The following TLK1 variants were observed in gnomAD, a reference collection of about 807,000 sequenced individuals.
TLK1 encodes the protein serine/threonine-protein kinase tousled-like 1.
Under a neutral mutation model 105.3 loss-of-function variants are expected in TLK1, and 24 were observed. The observed-to-expected ratio is 0.23, with a 90% CI of 0.17 to 0.32. The LOEUF is 0.32. TLK1 is among the 10% of genes least tolerant of loss of function. The pLI is 1.00. For missense variants in TLK1, 558 were observed against 910.5 expected, an observed-to-expected ratio of 0.61 and a Z score of 4.98; for synonymous variants, 321 against 310.4, an observed-to-expected ratio of 1.03 and a Z score of -0.36.
intron 18 of TLK1, among the ~76,000 whole-genome samples, chr2:170,998,245 T>C (rs1684178467): frequency 6.6e-6 from 1 of 152,190 alleles, no homozygotes. Context: ...CTCCCTAAAA[T>C]ATACACCTGA....
At chr2:171,068,098 G>A (rs1558921682) in intron 3 of TLK1, among the ~76,000 whole-genome samples, 1 of 152,046 alleles carries the variant, frequency 6.6e-6, no homozygotes, top group Admixed American at 6.6e-5. Context: ...AGGCCAAGGT[G>A]GGTGGATCAC....
At chr2:171,067,053 C>T in intron 3 of TLK1, 1 of 1,368,082 alleles carries the variant, frequency 7.3e-7, no homozygotes, top group Non-Finnish European at 9.7e-7. Flanking sequence ...CTGTATCATA[C>T]CCCTACAAAC....
At chr2:171,014,385 A>C (rs1182555460) in intron 13 of TLK1, among the ~76,000 whole-genome samples, 2 of 151,912 alleles carry the variant, frequency 1.3e-5, no homozygotes, top group Non-Finnish European at 2.9e-5. Context: ...TTTTTTAAAG[A>C]AATGGGGGTC....
chr2:171,019,754 T>C (rs1685396623), intron 12 of TLK1, among the ~76,000 whole-genome samples: 1 of 152,108 alleles, frequency 6.6e-6, no homozygotes, highest in Admixed American at 6.5e-5. Context: ...AGAAAACCGG[T>C]TCAGAATGAG....
rs190445342 is a variant in TLK1 at position 171,014,553 on chromosome 2, T to C, written c.1334+298A>G. Among the ~76,000 whole-genome samples the C allele has an allele frequency of 2.7e-4, 41 of 152,084 alleles. No individual in the cohort carries two copies. The East Asian group carries it at 6.4e-3, about 24-fold the overall frequency. ...TAAGAATGGCCTTTCTAAAGAACATTTGGAGTGAGATAAGTAATTAAGCCA... is the reference window on the plus strand; with the variant it reads ...TAAGAATGGCCTTTCTAAAGAACATCTGGAGTGAGATAAGTAATTAAGCCA... On this transcript the variant is annotated intron_variant, in intron 13 of 20. Transcript: ENST00000431350.
chr2:171,128,410 T>C (rs1690957926), intron 1 of TLK1, among the ~76,000 whole-genome samples: 1 of 152,158 alleles, frequency 6.6e-6, no homozygotes, highest in Non-Finnish European at 1.5e-5. Context: ...TAAAAGTACA[T>C]ACCTTATAGA....
chr2:171,156,111 G>T (rs1457292766), intron 1 of TLK1, among the ~76,000 whole-genome samples: 1 of 152,094 alleles, frequency 6.6e-6, no homozygotes, highest in African/African-American at 2.4e-5. Flanking sequence ...ACTGCCACTT[G>T]TTGAATTTTG....
chr2:171,149,099 CTTTTTTTT>C (rs11335300), intron 1 of TLK1, among the ~76,000 whole-genome samples: 12 of 57,892 alleles, frequency 2.1e-4, no homozygotes, highest in South Asian at 6.5e-4. Context: ...AATTACTTTT[CTTTTTTTT>C]TTTTTTTTTT....
intron 1 of TLK1, among the ~76,000 whole-genome samples, chr2:171,157,059 G>C (rs943609172): frequency 6.6e-6 from 1 of 152,130 alleles, no homozygotes; most frequent in Non-Finnish European, 1.5e-5. Flanking sequence ...ACCTGCCTAG[G>C]CCTCCCAAAG....
intron 3 of TLK1, among the ~76,000 whole-genome samples, chr2:171,076,968 G>A (rs552444053): frequency 2.4e-4 from 36 of 152,036 alleles, no homozygotes; most frequent in South Asian, 4.2e-4. Flanking sequence ...CAAGAAACAC[G>A]GGCTCTTATC....
rs912703734 is a variant in TLK1 at position 171,120,512 on chromosome 2, G to A, written c.140-2655C>T. Among the ~76,000 whole-genome samples, 194 of 152,160 alleles carry A rather than the reference G, an allele frequency of 1.3e-3. 1 individual carries two copies. The highest frequency in any genetic ancestry group is 6.2e-4 in the South Asian group (3 of 4,818). On this transcript the variant is annotated intron_variant, in intron 1 of 20. Coordinates refer to ENST00000431350, the MANE Select transcript of TLK1 (RefSeq NM_012290.5). ...ATACAAATTTTTCCAAAGAAGATAT[G>A]CAAATGACCAATAAGCACATGAAAA...
chr2:171,100,444 T>G lies in TLK1; in HGVS notation c.258+17295A>C, dbSNP rs137953916. On this transcript the variant is annotated intron_variant, in intron 2 of 20. Transcript: ENST00000431350. ...AAGAGCACGTTGTTATAAAGCAAGGTTCCCCCTCCCCAGTCCCTCTTCACA... is the reference window on the plus strand; with the variant it reads ...AAGAGCACGTTGTTATAAAGCAAGGGTCCCCCTCCCCAGTCCCTCTTCACA... Among the ~76,000 whole-genome samples, 1,023 of 152,154 alleles carry G rather than the reference T, an allele frequency of 6.7e-3. 7 individuals are homozygous for G. The highest frequency in any genetic ancestry group is 0.011 in the South Asian group (54 of 4,824).
At chr2:171,113,180 A>G (rs955579956) in intron 2 of TLK1, among the ~76,000 whole-genome samples, 8 of 152,196 alleles carry the variant, frequency 5.3e-5, no homozygotes, top group African/African-American at 1.9e-4. Context: ...TTAATGTGAT[A>G]CTGGAGCACA....
chr2:171,087,346 T>C (rs1444955309), intron 2 of TLK1, among the ~76,000 whole-genome samples: 5 of 151,724 alleles, frequency 3.3e-5, no homozygotes, highest in African/African-American at 1.2e-4. Context: ...CAACTGAAAA[T>C]TTCACTCTCT....
chr2:171,199,915 C>G (rs577325292), intron 1 of TLK1, among the ~76,000 whole-genome samples: 44 of 152,274 alleles, frequency 2.9e-4, no homozygotes, highest in Non-Finnish European at 2.4e-4. Flanking sequence ...AAAAAAGAAG[C>G]TTTCCCACAA....
chr2:171,131,025 G>A lies in TLK1; in HGVS notation c.140-13168C>T, dbSNP rs564570068. On this transcript the variant is annotated intron_variant, in intron 1 of 20. Transcript: ENST00000431350. ...AATTTCTTTTATCTGCAACCTTAAC[G>A]GACACACCAACCTGTAAACTTAGAT... 2.9e-3 allele frequency among the ~76,000 whole-genome samples: 438 copies of A among 151,690 alleles called. 4 individuals carry two copies. The highest frequency in any genetic ancestry group is 5.6e-3 in the Non-Finnish European group (378 of 67,930).
chr2:171,074,502 C>A (rs1244392197), intron 3 of TLK1, among the ~76,000 whole-genome samples: 1 of 151,946 alleles, frequency 6.6e-6, no homozygotes, highest in African/African-American at 2.4e-5. Context: ...CTGGTGGGTG[C>A]CTACAATCCC....
chr2:171,166,416 T>A (rs1692610994), intron 1 of TLK1, among the ~76,000 whole-genome samples: 5 of 152,278 alleles, frequency 3.3e-5, no homozygotes, highest in Non-Finnish European at 1.5e-5. Context: ...GCTGGCCATC[T>A]AGCAGGGGAA....
chr2:171,141,446 A>G (rs1691569959), intron 1 of TLK1, among the ~76,000 whole-genome samples: 1 of 152,216 alleles, frequency 6.6e-6, no homozygotes, highest in South Asian at 2.1e-4. Flanking sequence ...CGTCACAGTT[A>G]TAAGAAGTCC....
Sources: allele counts gnomAD v4.1 joint callset (sites outside exome capture counted in the v4.1 genomes callset), GRCh38; gene constraint gnomAD v4.1.1; transcripts MANE v1.5; gene names NCBI Gene and HGNC (gene_info 2026-07-23, HGNC 2026-07-21).